The following MAST2 variants were observed in gnomAD, a reference collection of about 807,000 sequenced individuals.
The protein encoded by MAST2 is microtubule-associated serine/threonine-protein kinase 2.
A neutral mutation model predicts 147.4 loss-of-function variants in MAST2; 70 were observed. The ratio of observed to expected loss-of-function variants is 0.47; its 90% CI spans 0.39 to 0.58. MAST2 has a LOEUF of 0.58. MAST2 is among the 20% of genes least tolerant of loss of function. MAST2 has a pLI of 0.00. For missense variants in MAST2, 2,080 were observed against 2,302.3 expected (o/e 0.90, Z 1.98); for synonymous variants, 869 against 896.8 (o/e 0.97, Z 0.55).
chr1:45,884,026 TG>T (rs1439012103), intron 4 of MAST2, among the ~76,000 whole-genome samples: 1 of 148,282 alleles, frequency 6.7e-6, no homozygotes, highest in Middle Eastern at 3.2e-3. Context: ...TGCAGAAATG[TG>T]TGTCCTCAAT....
At chr1:45,968,258 A>G (rs1245507683) in intron 5 of MAST2, among the ~76,000 whole-genome samples, 1 of 152,230 alleles carries the variant, frequency 6.6e-6, no homozygotes, top group African/African-American at 2.4e-5. Flanking sequence ...TTTTTAGTTT[A>G]CCTTCATCAC....
At position 46,023,327 on chromosome 1, in the gene MAST2, A is replaced by G. The variant is rs1263658175; in HGVS notation, c.1571+9A>G. ...AGCAATGGCGCCTATGGGTAAAGGC[A>G]GGGGTCAGGGTGTGGCCAGGACTGA... On this transcript the variant is annotated intron_variant, in intron 14 of 28. Transcript: ENST00000361297. This position sits in a 1 kb window ranked among gnomAD's most constrained non-coding sequence, Gnocchi z 4.9. 14 of 1,612,806 alleles carry G rather than the reference A, an allele frequency of 8.7e-6. No homozygotes were observed. Among genetic ancestry groups the G allele is most frequent in the Non-Finnish European group, 1.1e-5 (13 of 1,179,056 alleles).
chr1:45,911,008 AATTT>A lies in MAST2; in HGVS notation c.500+28614_500+28617del, dbSNP rs1248048021. Among the ~76,000 whole-genome samples, 3 of 152,288 alleles carry A rather than the reference AATTT, an allele frequency of 2.0e-5. No individual in the cohort carries two copies. In the South Asian group the frequency reaches 6.2e-4, roughly 32 times the overall value. ...CAGAGGAAACCCCATTTCTTTAATTAATTTGTTTTGTGTGTGTGTGTTATTTTGC... is the reference window on the plus strand; with the variant it reads ...CAGAGGAAACCCCATTTCTTTAATTAGTTTTGTGTGTGTGTGTTATTTTGC... On this transcript the variant is annotated intron_variant, in intron 4 of 28. Coordinates refer to ENST00000361297, the MANE Select transcript of MAST2 (RefSeq NM_015112.3).
At chr1:45,995,352 T>A (rs956099709) in intron 5 of MAST2, among the ~76,000 whole-genome samples, 1 of 152,222 alleles carries the variant, frequency 6.6e-6, no homozygotes, top group African/African-American at 2.4e-5. Flanking sequence ...ACTTCTCTTC[T>A]TCTTTCTCAT....
At chr1:45,918,453 TTTGAGATAG>T (rs1228346912) in intron 4 of MAST2, among the ~76,000 whole-genome samples, 1 of 152,166 alleles carries the variant, frequency 6.6e-6, no homozygotes, top group Non-Finnish European at 1.5e-5. Flanking sequence ...TTTGAGGCTT[TTTGAGATAG>T]AGTTTCGCTC....
chr1:45,972,644 A>C (rs1025004700), intron 5 of MAST2, among the ~76,000 whole-genome samples: 1 of 152,088 alleles, frequency 6.6e-6, no homozygotes, highest in Non-Finnish European at 1.5e-5. Context: ...ACTCCTGTTT[A>C]TGCCCATTGC....
At chr1:45,884,125 C>T (rs1423656589) in intron 4 of MAST2, among the ~76,000 whole-genome samples, 2 of 151,814 alleles carry the variant, frequency 1.3e-5, no homozygotes, top group African/African-American at 4.8e-5. Context: ...TTAGTGATAT[C>T]TAAAGTTAGG....
At chr1:45,871,942 C>T (rs975620372) in intron 3 of MAST2, among the ~76,000 whole-genome samples, 1 of 152,172 alleles carries the variant, frequency 6.6e-6, no homozygotes, top group Non-Finnish European at 1.5e-5. Context: ...GTTACCTAGG[C>T]TGGTCTCAAA....
At chr1:45,808,269 C>T (rs1205485330) in intron 1 of MAST2, among the ~76,000 whole-genome samples, 4 of 151,934 alleles carry the variant, frequency 2.6e-5, no homozygotes, top group East Asian at 1.9e-4. Flanking sequence ...CTTGCTCTGT[C>T]GCCCAGGCTG....
chr1:45,977,932 T>G (rs961325346), intron 5 of MAST2, among the ~76,000 whole-genome samples: 6 of 151,952 alleles, frequency 3.9e-5, no homozygotes, highest in Non-Finnish European at 8.8e-5. Flanking sequence ...TATAAAGAAC[T>G]CCTGGGGCCA....
At chr1:45,932,511 T>A (rs1019256126) in intron 4 of MAST2, among the ~76,000 whole-genome samples, 1 of 152,072 alleles carries the variant, frequency 6.6e-6, no homozygotes, top group Admixed American at 6.6e-5. Flanking sequence ...CTGTCTGTAC[T>A]AAAAATGCAA....
intron 10 of MAST2, among the ~76,000 whole-genome samples, chr1:46,018,074 G>T (rs1415254700): frequency 6.7e-5 from 10 of 148,338 alleles, no homozygotes; most frequent in Admixed American, 6.0e-4. Flanking sequence ...TCTCGGTGGA[G>T]CACAGTGAAT....
intron 4 of MAST2, among the ~76,000 whole-genome samples, chr1:45,938,980 A>T (rs750657111): frequency 4.6e-5 from 7 of 151,962 alleles, no homozygotes; most frequent in Non-Finnish European, 8.8e-5. Flanking sequence ...ATGATTTGCA[A>T]TTATTTTCTC....
chr1:46,016,065 A>T (rs1228844826), intron 10 of MAST2, among the ~76,000 whole-genome samples: 2 of 152,114 alleles, frequency 1.3e-5, no homozygotes, highest in Non-Finnish European at 2.9e-5. Context: ...ACAGAACCAA[A>T]GACAAAAACC....
chr1:45,934,798 C>G (rs548560578), intron 4 of MAST2, among the ~76,000 whole-genome samples: 1 of 152,302 alleles, frequency 6.6e-6, no homozygotes, highest in African/African-American at 2.4e-5. Context: ...ATTCAGTCCT[C>G]TGTTGATGGG....
rs1037230065 is a variant in MAST2, at chr1:46,027,929, C to G, written c.2052+66C>G. On this transcript the variant is annotated intron_variant, in intron 17 of 28. Coordinates refer to ENST00000361297, the MANE Select transcript of MAST2 (RefSeq NM_015112.3). ...GCCCTTGTCCTGGCGCAGTGTCTTA[C>G]GCCCGTAATCCCAACCCTTTGGGAG... The G allele has an allele frequency of 5.1e-6, 8 of 1,582,702 alleles. No individual in the cohort carries two copies. In the South Asian group the frequency reaches 7.0e-5, roughly 14 times the overall value.
At chr1:46,012,717 G>A (rs919460480) in intron 10 of MAST2, among the ~76,000 whole-genome samples, 1 of 151,992 alleles carries the variant, frequency 6.6e-6, no homozygotes. Flanking sequence ...CCTTTTGCTT[G>A]GGCACAGTGG....
intron 16 of MAST2, 116 bp from the exon 17 acceptor site, chr1:46,027,615 C>G (rs1646468539): frequency 1.8e-6 from 2 of 1,120,944 alleles, no homozygotes; most frequent in Admixed American, 4.5e-5. Flanking sequence ...AGCTACCCAG[C>G]TTGTGTCTCA....
chr1:45,876,023 G>A (rs572909159), intron 3 of MAST2, among the ~76,000 whole-genome samples: 51 of 152,118 alleles, frequency 3.4e-4, no homozygotes, highest in Non-Finnish European at 6.5e-4. Context: ...GGGGATAAGA[G>A]GAAAAACAAG....
Sources: allele counts gnomAD v4.1 joint callset (sites outside exome capture counted in the v4.1 genomes callset), GRCh38; gene constraint gnomAD v4.1.1; non-coding constraint Gnocchi (gnomAD v3.1); transcripts MANE v1.5; gene names NCBI Gene and HGNC (gene_info 2026-07-23, HGNC 2026-07-21).